Variants in KCNQ1 observed in about 807,000 individuals in gnomAD.
KCNQ1 encodes potassium voltage-gated channel subfamily KQT member 1.
Under a neutral mutation model 72.4 loss-of-function variants are expected in KCNQ1, and 49 were observed. The observed-to-expected ratio is 0.68, with a 90% CI of 0.54 to 0.86. The LOEUF is 0.86. Ranked by LOEUF, KCNQ1 falls within the 40% of genes least tolerant of loss-of-function variation. The probability of loss-of-function intolerance (pLI) is 0.00; values close to 1 mark genes in which losing one functional copy is unlikely to be tolerated. For synonymous variants in KCNQ1, 450 were observed against 412.6 expected, an observed-to-expected ratio of 1.09 and a Z score of -1.10; for missense variants, 790 against 945.1, an observed-to-expected ratio of 0.84 and a Z score of 2.15.
rs890033655 is a variant in KCNQ1 at position 2,601,768 on chromosome 11, G to C, written c.1393+12914G>C. Among the ~76,000 whole-genome samples, 1 of 152,188 alleles carries C rather than the reference G, an allele frequency of 6.6e-6. No homozygotes were observed. The highest frequency in any genetic ancestry group is 1.5e-5 in the Non-Finnish European group (1 of 68,038). On this transcript the variant is annotated intron_variant, in intron 10 of 15. Coordinates refer to ENST00000155840, the MANE Select transcript of KCNQ1 (RefSeq NM_000218.3). This position sits in a 1 kb window ranked among gnomAD's most constrained non-coding sequence, Gnocchi z 5.2. ...ACAGTTCATTAAATCATAGTGCTGA[G>C]TGGAGTTTCACGGTATGGACATATA...
chr11:2,570,589 G>A (rs1368420390), intron 2 of KCNQ1, 39 bp from the exon 3 acceptor site: 47 of 1,608,840 alleles, frequency 2.9e-5, no homozygotes, highest in Non-Finnish European at 3.5e-5. Flanking sequence ...ACTCAAGGCC[G>A]AGCCTGCCTG....
intron 1 of KCNQ1, among the ~76,000 whole-genome samples, chr11:2,454,422 T>C (rs1330263842): frequency 6.6e-6 from 1 of 152,146 alleles, no homozygotes; most frequent in African/African-American, 2.4e-5. Context: ...AGCCTAAAAA[T>C]GTGTGCTGAA....
At position 2,598,767 on chromosome 11, in the gene KCNQ1, G is replaced by A. The variant is rs1411004260; in HGVS notation, c.1393+9913G>A. On this transcript the variant is annotated intron_variant, in intron 10 of 15. Transcript: ENST00000155840. The surrounding 1 kb of genome is among the most constrained non-coding windows in gnomAD (Gnocchi z 6.2). The stretch of plus-strand genomic sequence containing the variant: ...TTCTTTAGGGTCATAGCCCAGCTCT[G>A]CCATTTTCTTATGTGGCCCTAAGCA... 4.6e-5 allele frequency among the ~76,000 whole-genome samples: 7 copies of A among 152,186 alleles called. No individual in the cohort carries two copies. Among genetic ancestry groups the A allele is most frequent in the African/African-American group, 1.4e-4 (6 of 41,432 alleles).
chr11:2,824,000 G>T (rs569519290), intron 15 of KCNQ1, among the ~76,000 whole-genome samples: 2 of 152,174 alleles, frequency 1.3e-5, no homozygotes, highest in Non-Finnish European at 2.9e-5. Context: ...TGGGCTTCCC[G>T]GGAGTGGAGC....
Position 2,676,152 on chromosome 11 carries a change from A to G in KCNQ1, c.1514+14071A>G. On this transcript the variant is annotated intron_variant, in intron 11 of 15. Transcript: ENST00000155840. This position sits in a 1 kb window ranked among gnomAD's most constrained non-coding sequence, Gnocchi z 4.2. ...ATACAAATGGTAGCATACTGTATGTATTTTTCTACACTTTGCCTTTGACTT... is the reference window on the plus strand; with the variant it reads ...ATACAAATGGTAGCATACTGTATGTGTTTTTCTACACTTTGCCTTTGACTT... The G allele has an allele frequency of 5.0e-6, 2 of 398,548 alleles. No homozygotes were observed. Among genetic ancestry groups the G allele is most frequent in the Non-Finnish European group, 4.4e-6 (1 of 226,046 alleles). 24.7% of individuals were successfully genotyped at this position (398,548 alleles called of 1,614,324 possible). A position where few individuals can be genotyped will look rare whatever the true frequency, so the allele number is the denominator to read the frequency against.
At position 2,652,962 on chromosome 11, in the gene KCNQ1, G is replaced by A. The variant is rs779279424; in HGVS notation, c.1394-8999G>A. The A allele has an allele frequency of 3.5e-5, 14 of 398,500 alleles. No individual in the cohort carries two copies. The highest frequency in any genetic ancestry group is 8.8e-5 in the Admixed American group (2 of 22,718). The allele number at this position is 398,500 out of a possible 1,614,324, so 24.7% of individuals were successfully genotyped here. On this transcript the variant is annotated intron_variant, in intron 10 of 15. Transcript: ENST00000155840. This position sits in a 1 kb window ranked among gnomAD's most constrained non-coding sequence, Gnocchi z 5.9. ...CCTCCCTGGGACTTCTCAGGATTCC[G>A]GAAGTCATCTTTGACTGTGTCACAT...
At position 2,603,866 on chromosome 11, in the gene KCNQ1, T is replaced by G. The variant is rs979162788; in HGVS notation, c.1393+15012T>G. ...CCACCAAGCCCGGCTAATTTTTGTA[T>G]TTTTAGTAGTGACGGGGTTTCGCCA... On this transcript the variant is annotated intron_variant, in intron 10 of 15. Transcript: ENST00000155840. This position sits in a 1 kb window ranked among gnomAD's most constrained non-coding sequence, Gnocchi z 4.1. Among the ~76,000 whole-genome samples the G allele has an allele frequency of 1.3e-5, 2 of 152,042 alleles. No individual in the cohort carries two copies. The highest frequency in any genetic ancestry group is 4.1e-4 in the South Asian group (2 of 4,826).
At position 2,768,225 on chromosome 11, in the gene KCNQ1, T is replaced by G. The variant is rs1846530936; in HGVS notation, c.1515-619T>G. On this transcript the variant is annotated intron_variant, in intron 11 of 15. Transcript: ENST00000155840. The surrounding 1 kb of genome is among the most constrained non-coding windows in gnomAD (Gnocchi z 6.7). ...GTGTTTTCTTCCAGTCTTTTTTCTA[T>G]GCACAGACACATCATCCCCTTTGTT... 6.6e-6 allele frequency among the ~76,000 whole-genome samples: 1 copy of G among 152,248 alleles called. No individual in the cohort carries two copies.
At chr11:2,622,634 T>A in intron 10 of KCNQ1, 1 of 398,534 alleles carries the variant, frequency 2.5e-6, no homozygotes, top group East Asian at 3.6e-5. Context: ...CCTTACTGCC[T>A]TTTTTTGTGT....
chr11:2,824,109 C>T lies in KCNQ1; in HGVS notation c.1795-23658C>T, dbSNP rs1455128840. Among the ~76,000 whole-genome samples the T allele has an allele frequency of 2.6e-5, 4 of 152,176 alleles. No homozygotes were observed. Among genetic ancestry groups the T allele is most frequent in the Admixed American group, 2.6e-4 (4 of 15,282 alleles). The stretch of plus-strand genomic sequence containing the variant: ...ACACCTTGACACACACCGTCACACA[C>T]ACCCATATTCGACACACACATTCAC... On this transcript the variant is annotated intron_variant, in intron 15 of 15. Coordinates refer to ENST00000155840, the MANE Select transcript of KCNQ1 (RefSeq NM_000218.3). The surrounding 1 kb of genome is among the most constrained non-coding windows in gnomAD (Gnocchi z 5.9).
In KCNQ1 at chr11:2,565,279, A is replaced by C. The variant is rs1360898289; in HGVS notation, c.478-5349A>C. On this transcript the variant is annotated intron_variant, in intron 2 of 15. Transcript: ENST00000155840. The surrounding 1 kb of genome is among the most constrained non-coding windows in gnomAD (Gnocchi z 5.6). ...GTCCCAACTTCTCCGGATCCTTGGG[A>C]GCACTTGTCACTCTGTTTGGGGTGG... 6.6e-6 allele frequency among the ~76,000 whole-genome samples: 1 copy of C among 152,044 alleles called. No homozygotes were observed. Among genetic ancestry groups the C allele is most frequent in the Non-Finnish European group, 1.5e-5 (1 of 68,004 alleles).
chr11:2,591,902 C>T (rs1278797056), intron 10 of KCNQ1, among the ~76,000 whole-genome samples: 2 of 152,228 alleles, frequency 1.3e-5, no homozygotes, highest in African/African-American at 4.8e-5. Context: ...CCGGAGTCCC[C>T]TTTGCCCAGG....
intron 11 of KCNQ1, chr11:2,694,392 T>A (rs1334817554): frequency 2.5e-6 from 1 of 398,520 alleles, no homozygotes; most frequent in Non-Finnish European, 4.4e-6. Context: ...TATGGGAGAA[T>A]TACTAATATC....
In KCNQ1 at chr11:2,541,316, G is replaced by A. The variant is rs527748906; in HGVS notation, c.477+13298G>A. Among the ~76,000 whole-genome samples the A allele has an allele frequency of 2.6e-5, 4 of 152,244 alleles. No homozygotes were observed. Among genetic ancestry groups the A allele is most frequent in the African/African-American group, 7.2e-5 (3 of 41,462 alleles). ...GAGCACCATGTGCTGAGAATGATGC[G>A]TGCATTCAGAGCAGCATTTGGTGGG... On this transcript the variant is annotated intron_variant, in intron 2 of 15. Transcript: ENST00000155840. The surrounding 1 kb of genome is among the most constrained non-coding windows in gnomAD (Gnocchi z 4.8).
chr11:2,466,784 CCTTGGCCTCA>C (rs76778933), intron 1 of KCNQ1, among the ~76,000 whole-genome samples: 2,441 of 152,246 alleles, frequency 0.016, 31 homozygotes, highest in Non-Finnish European at 0.024. Flanking sequence ...CCTTAGCCTC[CCTTGGCCTCA>C]GTCATCCTAT....
chr11:2,509,593 A>C lies in KCNQ1; in HGVS notation c.387-18335A>C, dbSNP rs2133659313. On this transcript the variant is annotated intron_variant, in intron 1 of 15. Transcript: ENST00000155840. This position sits in a 1 kb window ranked among gnomAD's most constrained non-coding sequence, Gnocchi z 6.3. Reference sequence around the variant, plus strand: ...CAGCTCCAGGTCCGGGTGTGAGGGCAGTAGTGCAGGTCGTGGTCCCAGATG... The same window carrying C: ...CAGCTCCAGGTCCGGGTGTGAGGGCCGTAGTGCAGGTCGTGGTCCCAGATG... Among the ~76,000 whole-genome samples the C allele has an allele frequency of 6.6e-6, 1 of 152,304 alleles. No homozygotes were observed. The highest frequency in any genetic ancestry group is 1.9e-4 in the East Asian group (1 of 5,176).
In KCNQ1 at chr11:2,564,070, G is replaced by A. The variant is rs757105094; in HGVS notation, c.478-6558G>A. 5.9e-5 allele frequency among the ~76,000 whole-genome samples: 9 copies of A among 152,224 alleles called. No homozygotes were observed. The highest frequency in any genetic ancestry group is 1.3e-4 in the Non-Finnish European group (9 of 68,040). On this transcript the variant is annotated intron_variant, in intron 2 of 15. Coordinates refer to ENST00000155840, the MANE Select transcript of KCNQ1 (RefSeq NM_000218.3). This position sits in a 1 kb window ranked among gnomAD's most constrained non-coding sequence, Gnocchi z 4.5. ...CCGCCACGGGCCAGGGCCCCTCGAG[G>A]CACTCATTTCAGTATCAGAGAACAC... is the stretch of plus-strand genomic sequence containing the variant.
chr11:2,637,299 G>C (rs1849487496), intron 10 of KCNQ1: 1 of 152,086 alleles, frequency 6.6e-6, no homozygotes, highest in Admixed American at 6.6e-5. Flanking sequence ...GATTTTTCCT[G>C]CTTTCTCTTG....
rs1846218183 is a variant in KCNQ1 at position 2,457,785 on chromosome 11, T to G, written c.386+12301T>G. 6.7e-6 allele frequency among the ~76,000 whole-genome samples: 1 copy of G among 149,466 alleles called. No homozygotes were observed. Among genetic ancestry groups the G allele is most frequent in the Non-Finnish European group, 1.5e-5 (1 of 67,466 alleles). ...TACCTCCTGAACCTATTAAAAAAGT[T>G]GAATAAAATGGAAACTTTTGGCATG... On this transcript the variant is annotated intron_variant, in intron 1 of 15. Coordinates refer to ENST00000155840, the MANE Select transcript of KCNQ1 (RefSeq NM_000218.3). This position sits in a 1 kb window ranked among gnomAD's most constrained non-coding sequence, Gnocchi z 5.0.
Sources: allele counts gnomAD v4.1 joint callset (sites outside exome capture counted in the v4.1 genomes callset), GRCh38; gene constraint gnomAD v4.1.1; non-coding constraint Gnocchi (gnomAD v3.1); transcripts MANE v1.5; gene names NCBI Gene and HGNC (gene_info 2026-07-23, HGNC 2026-07-21).